The following NRXN3 variants were observed in gnomAD, a reference collection of about 807,000 sequenced individuals.
NRXN3 encodes neurexin 3.
In NRXN3, 32 loss-of-function variants were observed where a neutral mutation model predicts 137.6. The observed-to-expected ratio is 0.23, with a 90% CI of 0.18 to 0.31. The LOEUF (loss-of-function observed/expected upper bound fraction) is 0.31. Ranked by LOEUF, NRXN3 falls within the 10% of genes least tolerant of loss-of-function variation. The pLI is 1.00. For missense variants in NRXN3, 1,574 were observed against 2,062.5 expected (o/e 0.76, Z 4.59); for synonymous variants, 798 against 784.5 (o/e 1.02, Z -0.29).
At chr14:78,359,553 C>T (rs1168881028) in intron 4 of NRXN3, among the ~76,000 whole-genome samples, 1 of 152,176 alleles carries the variant, frequency 6.6e-6, no homozygotes, top group African/African-American at 2.4e-5. Context: ...AGTTGAGCTA[C>T]TGTATTAGAA....
intron 16 of NRXN3, among the ~76,000 whole-genome samples, chr14:79,582,635 G>A (rs957408692): frequency 6.6e-6 from 1 of 150,798 alleles, no homozygotes; most frequent in African/African-American, 2.4e-5. Context: ...TGGCCAGGAT[G>A]GTCTTGATCT....
chr14:78,411,778 C>T (rs1295766844), intron 4 of NRXN3, among the ~76,000 whole-genome samples: 1 of 152,186 alleles, frequency 6.6e-6, no homozygotes, highest in Non-Finnish European at 1.5e-5. Context: ...GCCAGGGTGG[C>T]TGCCAGATTG....
intron 15 of NRXN3, among the ~76,000 whole-genome samples, chr14:79,090,357 G>A (rs1193021058): frequency 6.6e-6 from 1 of 152,056 alleles, no homozygotes; most frequent in East Asian, 1.9e-4. Context: ...TTCCCTTTTA[G>A]AGAAGAAGAT....
chr14:78,936,969 C>G (rs548039332), intron 10 of NRXN3, among the ~76,000 whole-genome samples: 1 of 151,928 alleles, frequency 6.6e-6, no homozygotes, highest in African/African-American at 2.4e-5. Flanking sequence ...GCCTGTAATC[C>G]CAGCACTTTG....
In NRXN3 at chr14:79,861,292, G is replaced by A. The variant is rs998994698; in HGVS notation, c.4094-50G>A. 2 of 1,536,016 alleles carry A rather than the reference G, an allele frequency of 1.3e-6. No individual in the cohort carries two copies. The highest frequency in any genetic ancestry group is 2.7e-5 in the African/African-American group (2 of 73,116). On this transcript the variant is annotated intron_variant, in intron 20 of 20. Transcript: ENST00000335750. The surrounding 1 kb of genome is among the most constrained non-coding windows in gnomAD (Gnocchi z 5.4). ...CAGGGGAAACCTTTGACTCTAACCT[G>A]CCCCCTACTGATGATGAAGATTTTT...
intron 10 of NRXN3, among the ~76,000 whole-genome samples, chr14:78,928,692 G>A (rs968185748): frequency 7.2e-5 from 11 of 151,934 alleles, no homozygotes; most frequent in Non-Finnish European, 1.6e-4. Context: ...TCTGAATCCA[G>A]TCTATCATTG....
intron 8 of NRXN3, among the ~76,000 whole-genome samples, chr14:78,761,097 G>C (rs1243582323): frequency 1.3e-5 from 2 of 152,142 alleles, no homozygotes; most frequent in African/African-American, 4.8e-5. Context: ...CTGGGGAAAG[G>C]AAATTATTCA....
chr14:79,777,641 G>A (rs569445417), intron 19 of NRXN3, among the ~76,000 whole-genome samples: 1 of 151,922 alleles, frequency 6.6e-6, no homozygotes, highest in South Asian at 2.1e-4. Flanking sequence ...TTCTTATTTT[G>A]AAGGTTATTT....
At chr14:79,148,481 A>G (rs1281753831) in intron 15 of NRXN3, among the ~76,000 whole-genome samples, 1 of 152,166 alleles carries the variant, frequency 6.6e-6, no homozygotes, top group Non-Finnish European at 1.5e-5. Flanking sequence ...ATAGGCCCTC[A>G]TGAGCCTGTT....
intron 15 of NRXN3, among the ~76,000 whole-genome samples, chr14:79,122,735 A>G (rs530410414): frequency 1.3e-5 from 2 of 152,048 alleles, no homozygotes; most frequent in South Asian, 2.1e-4. Context: ...ACATTCTTTT[A>G]TTTTCTTACA....
intron 4 of NRXN3, among the ~76,000 whole-genome samples, chr14:78,504,134 A>G (rs1282754078): frequency 1.3e-5 from 2 of 152,138 alleles, no homozygotes; most frequent in Non-Finnish European, 2.9e-5. Flanking sequence ...ATCTATTTGT[A>G]CACTTTGGTA....
At chr14:78,406,944 G>A (rs2092523662) in intron 4 of NRXN3, among the ~76,000 whole-genome samples, 1 of 152,124 alleles carries the variant, frequency 6.6e-6, no homozygotes, top group South Asian at 2.1e-4. Flanking sequence ...TCAGCTCTTG[G>A]CTACCTGCTC....
rs148207537 is a variant in NRXN3 at position 78,698,505 on chromosome 14, G to A, written c.1222-10712G>A. On this transcript the variant is annotated intron_variant, in intron 6 of 20. Coordinates refer to ENST00000335750, the MANE Select transcript of NRXN3 (RefSeq NM_001330195.2). ...TTTGACTCTAGGTAGAGAGGATGAA[G>A]GCTCTGAGATACTGTCTCAAAACAT... Among the ~76,000 whole-genome samples, 31 of 151,698 alleles carry A rather than the reference G, an allele frequency of 2.0e-4. No homozygotes were observed. The East Asian group carries it at 4.7e-3, about 23-fold the overall frequency.
chr14:79,523,253 A>G (rs2097086182), intron 16 of NRXN3, among the ~76,000 whole-genome samples: 1 of 152,208 alleles, frequency 6.6e-6, no homozygotes, highest in African/African-American at 2.4e-5. Flanking sequence ...AGCTATCTTC[A>G]GTAAGTACAA....
At chr14:79,379,522 GA>G (rs1219227666) in intron 15 of NRXN3, among the ~76,000 whole-genome samples, 1 of 152,108 alleles carries the variant, frequency 6.6e-6, no homozygotes, top group Admixed American at 6.6e-5. Flanking sequence ...TCTGCAAGTG[GA>G]CACTCTCGCT....
intron 16 of NRXN3, among the ~76,000 whole-genome samples, chr14:79,501,464 T>G: frequency 6.6e-6 from 1 of 152,182 alleles, no homozygotes; most frequent in East Asian, 1.9e-4. Context: ...AATCATTCAC[T>G]TGATGAAGCT....
At chr14:78,917,731 G>A (rs1164771119) in intron 10 of NRXN3, among the ~76,000 whole-genome samples, 2 of 151,934 alleles carry the variant, frequency 1.3e-5, no homozygotes, top group Non-Finnish European at 2.9e-5. Context: ...CAAAACTGGG[G>A]GAATGAGGAG....
At chr14:79,388,194 C>A (rs2094707994) in intron 15 of NRXN3, among the ~76,000 whole-genome samples, 1 of 152,022 alleles carries the variant, frequency 6.6e-6, no homozygotes, top group South Asian at 2.1e-4. Flanking sequence ...TGCACCAGCT[C>A]CCCCTTCACC....
chr14:78,725,780 A>G (rs538910733), intron 8 of NRXN3, among the ~76,000 whole-genome samples: 1 of 152,356 alleles, frequency 6.6e-6, no homozygotes, highest in South Asian at 2.1e-4. Flanking sequence ...TCTGATGCAT[A>G]TATACCCCTG....
Sources: allele counts gnomAD v4.1 joint callset (sites outside exome capture counted in the v4.1 genomes callset), GRCh38; gene constraint gnomAD v4.1.1; non-coding constraint Gnocchi (gnomAD v3.1); transcripts MANE v1.5; gene names NCBI Gene and HGNC (gene_info 2026-07-23, HGNC 2026-07-21).